Variants in ACSL3 observed in about 807,000 individuals in gnomAD.
ACSL3 encodes fatty acid CoA ligase Acsl3.
Under a neutral mutation model 84.7 loss-of-function variants are expected in ACSL3, and 34 were observed. The ratio of observed to expected loss-of-function variants is 0.40; its 90% CI spans 0.31 to 0.53. The LOEUF (loss-of-function observed/expected upper bound fraction) is 0.53, where lower values mean the gene tolerates loss of function less well. Among genes scored for constraint, ACSL3 ranks in the 20% least tolerant of loss-of-function variants. ACSL3 has a pLI of 0.48. For missense variants in ACSL3, 680 were observed against 873.1 expected (o/e 0.78, Z 2.79); for synonymous variants, 315 against 299.4 (o/e 1.05, Z -0.54).
intron 4 of ACSL3, among the ~76,000 whole-genome samples, chr2:222,911,010 GT>G (rs2106119618): frequency 6.7e-6 from 1 of 149,102 alleles, no homozygotes; most frequent in African/African-American, 2.5e-5. Flanking sequence ...TCATAATGAA[GT>G]TTGCTTTTGT....
chr2:222,891,993 C>T (rs377104963), intron 2 of ACSL3, among the ~76,000 whole-genome samples: 5 of 152,058 alleles, frequency 3.3e-5, no homozygotes, highest in East Asian at 1.9e-4. Context: ...AGAATCTTTT[C>T]GACAATTTTA....
intron 1 of ACSL3, among the ~76,000 whole-genome samples, chr2:222,867,088 C>G (rs1365778010): frequency 6.6e-6 from 1 of 152,108 alleles, no homozygotes; most frequent in Non-Finnish European, 1.5e-5. Context: ...CCATCTCAGC[C>G]TCCCAAAGTA....
chr2:222,875,603 T>C (rs1695426124), intron 1 of ACSL3, among the ~76,000 whole-genome samples: 1 of 152,234 alleles, frequency 6.6e-6, no homozygotes, highest in Non-Finnish European at 1.5e-5. Flanking sequence ...TAGAAAGAAG[T>C]GCCTATGGAA....
chr2:222,926,848 C>T (rs1696887594), intron 11 of ACSL3, among the ~76,000 whole-genome samples, 169 bp from the exon 12 acceptor site: 1 of 152,144 alleles, frequency 6.6e-6, no homozygotes, highest in Non-Finnish European at 1.5e-5. Context: ...TGTTGAACTT[C>T]AAAAAATTAA....
At chr2:222,937,090 T>TTA (rs1697192645) in intron 16 of ACSL3, among the ~76,000 whole-genome samples, 1 of 152,216 alleles carries the variant, frequency 6.6e-6, no homozygotes, top group African/African-American at 2.4e-5. Flanking sequence ...TTTGTGTCTT[T>TTA]TAAAATTTCT....
intron 16 of ACSL3, 107 bp downstream of exon 16, chr2:222,934,794 C>G: frequency 8.3e-7 from 1 of 1,209,710 alleles, no homozygotes; most frequent in Non-Finnish European, 1.1e-6. Flanking sequence ...GCTCAGAAAC[C>G]ATTTCTACCG....
rs1288967862 is a variant in ACSL3 at position 222,922,849 on chromosome 2, G to A, written c.1080+18G>A. 1 of 1,612,924 alleles carries A rather than the reference G, an allele frequency of 6.2e-7. No homozygotes were observed. The highest frequency in any genetic ancestry group is 8.5e-7 in the Non-Finnish European group (1 of 1,179,610). On this transcript the variant is annotated intron_variant, in intron 9 of 16. Coordinates refer to ENST00000357430, the MANE Select transcript of ACSL3 (RefSeq NM_004457.5). The stretch of plus-strand genomic sequence containing the variant: ...CAGATCAGGTAAGTTCAGTGTCTGT[G>A]ACTTGAAATACTAAAAAATCATAGT...
chr2:222,881,609 C>T (rs34361522), intron 1 of ACSL3, among the ~76,000 whole-genome samples: 62,812 of 152,030 alleles, frequency 0.41, 13,593 homozygotes, highest in African/African-American at 0.52. Context: ...CTCCGCTTCC[C>T]GGGTTCAAGC....
chr2:222,929,645 G>C (rs1195819167), intron 13 of ACSL3, among the ~76,000 whole-genome samples: 1 of 152,004 alleles, frequency 6.6e-6, no homozygotes, highest in Non-Finnish European at 1.5e-5. Flanking sequence ...AGGCGTGGTG[G>C]TGCGTGCCTG....
At chr2:222,884,127 T>C (rs1695664263) in intron 1 of ACSL3, among the ~76,000 whole-genome samples, 1 of 152,244 alleles carries the variant, frequency 6.6e-6, no homozygotes, top group South Asian at 2.1e-4. Context: ...GAACTTTATC[T>C]TCTGTCTGGA....
At chr2:222,937,514 TATC>T (rs139654032) in intron 16 of ACSL3, among the ~76,000 whole-genome samples, 5,511 of 152,304 alleles carry the variant, frequency 0.036, 175 homozygotes, top group Middle Eastern at 0.075. Flanking sequence ...GTAATTGTTA[TATC>T]ATCCTGGAGA....
rs1231051551 is a variant in ACSL3, at chr2:222,923,069, A to AT, written c.1081-5dup. Reference sequence around the variant, plus strand: ...CACTTTATATGGATCACTTTTTCTTATTTTGTAGTCTTCAAAAATTAAAAA... The same window carrying AT: ...CACTTTATATGGATCACTTTTTCTTATTTTTGTAGTCTTCAAAAATTAAAAA... On this transcript the variant is annotated splice_polypyrimidine_tract_variant and intron_variant, in intron 9 of 16. Coordinates refer to ENST00000357430, the MANE Select transcript of ACSL3 (RefSeq NM_004457.5). The AT allele has an allele frequency of 5.6e-6, 9 of 1,607,260 alleles. No homozygotes were observed. The highest frequency in any genetic ancestry group is 2.7e-5 in the African/African-American group (2 of 74,784).
intron 4 of ACSL3, among the ~76,000 whole-genome samples, chr2:222,914,234 CGTGTGTGTGTGTGTGTGTGTGTGT>C (rs57546680): frequency 5.0e-5 from 7 of 140,160 alleles, no homozygotes; most frequent in African/African-American, 8.1e-5. Context: ...TGTGTGTGTA[CGTGTGTGTGTGTGTGTGTGTGTGT>C]GTGTGTGTGT....
At chr2:222,888,579 T>C (rs1265698839) in intron 2 of ACSL3, among the ~76,000 whole-genome samples, 1 of 152,220 alleles carries the variant, frequency 6.6e-6, no homozygotes, top group African/African-American at 2.4e-5. Flanking sequence ...TTCGAAGTCT[T>C]TTTTCATATC....
chr2:222,922,693 T>C lies in ACSL3; in HGVS notation c.957-15T>C, dbSNP rs775804214. The C allele has an allele frequency of 6.2e-7, 1 of 1,613,424 alleles. No homozygotes were observed. Among genetic ancestry groups the C allele is most frequent in the Non-Finnish European group, 8.5e-7 (1 of 1,179,736 alleles). ...ACACCTGACTTTTGTTTCTGACGTC[T>C]CCCTTTTCTTTTAGAGAGGAAGATG... On this transcript the variant is annotated splice_polypyrimidine_tract_variant and intron_variant, in intron 8 of 16. Transcript: ENST00000357430.
chr2:222,863,693 C>T (rs1461499550), intron 1 of ACSL3, among the ~76,000 whole-genome samples: 2 of 152,090 alleles, frequency 1.3e-5, no homozygotes, highest in Non-Finnish European at 2.9e-5. Flanking sequence ...TTGTAGCATA[C>T]GCTTCACAGG....
chr2:222,869,260 C>G (rs1695235901), intron 1 of ACSL3, among the ~76,000 whole-genome samples: 1 of 152,120 alleles, frequency 6.6e-6, no homozygotes, highest in South Asian at 2.1e-4. Context: ...CCTTTCTCAG[C>G]CTTCCATTTC....
chr2:222,918,061 C>A lies in ACSL3; in HGVS notation c.572C>A (p.Ala191Asp). Reference protein sequence around the residue: ...MYNFQLVTLYATLGGPAIVHA... With the variant: ...MYNFQLVTLYDTLGGPAIVHA... The stretch of plus-strand genomic sequence containing the variant: ...TTCCTTTTAGTTGTTACATTATATG[C>A]CACTCTAGGAGGTCCAGCCATTGTT... Residue 191 changes from alanine to aspartate, a missense_variant, in exon 6 of 17, where the codon GCC (alanine) becomes GAC (aspartate). Around this residue, in one of 2 missense-constraint regions of ACSL3, gnomAD observed 333 missense variants for 347.5 expected, o/e 0.96. Transcript: ENST00000357430. The A allele has an allele frequency of 6.2e-7, 1 of 1,609,402 alleles. No homozygotes were observed. Among genetic ancestry groups the A allele is most frequent in the Non-Finnish European group, 8.5e-7 (1 of 1,177,240 alleles).
Position 222,941,836 on chromosome 2 carries a change from CTCT to C in ACSL3, c.*187_*189del, listed in dbSNP as rs1559307874. ...ATTAAGACAGCAAACTTGTGTCTGTCTCTTCTTTCATTTTCCCCGCCACCAACT... is the reference window on the plus strand; with the variant it reads ...ATTAAGACAGCAAACTTGTGTCTGTCTCTTTCATTTTCCCCGCCACCAACT... On this transcript the variant is annotated 3_prime_UTR_variant, in exon 17 of 17. Transcript: ENST00000357430. 1 of 595,774 alleles carries C rather than the reference CTCT, an allele frequency of 1.7e-6. No individual in the cohort carries two copies. 36.9% of individuals were successfully genotyped at this position (595,774 alleles called of 1,614,324 possible). A position where few individuals can be genotyped will look rare whatever the true frequency, so the allele number is the denominator to read the frequency against.
Sources: gnomAD v4.1 joint callset for allele counts (sites outside exome capture counted in the v4.1 genomes callset) on GRCh38, gnomAD v4.1.1 for gene constraint, gnomAD v4.1.1 regional missense constraint, MANE v1.5 for transcripts, NCBI Gene and HGNC (gene_info 2026-07-23, HGNC 2026-07-21) for gene names.